WWOX: variants seen among roughly 807,000 people sequenced by gnomAD.
The protein encoded by WWOX is WW domain containing oxidoreductase.
In WWOX, 69 loss-of-function variants were observed where a neutral mutation model predicts 46.2. That is an observed-to-expected ratio of 1.49 (90% CI 1.23 to 1.82). The LOEUF is 1.82. WWOX is among the 40% of genes most tolerant of loss of function. The pLI is 0.00. For synonymous variants in WWOX, 359 were observed against 202.6 expected (o/e 1.77, Z -6.56); for missense variants, 919 against 542.6 (o/e 1.69, Z -6.89).
At chr16:79,137,287 C>G (rs1414643078) in intron 8 of WWOX, among the ~76,000 whole-genome samples, 1 of 152,170 alleles carries the variant, frequency 6.6e-6, no homozygotes, top group African/African-American at 2.4e-5. Flanking sequence ...ATGATGGTAT[C>G]ACATGGAGAA....
intron 8 of WWOX, among the ~76,000 whole-genome samples, chr16:79,007,755 G>A (rs1000706555): frequency 2.6e-5 from 4 of 152,190 alleles, no homozygotes; most frequent in African/African-American, 9.7e-5. Flanking sequence ...TGTGAATGGA[G>A]AGCTCTTTCT....
chr16:78,556,682 T>A (rs2044304732), intron 8 of WWOX, among the ~76,000 whole-genome samples: 4 of 152,140 alleles, frequency 2.6e-5, no homozygotes, highest in Admixed American at 2.0e-4. Context: ...TTTGTATTTG[T>A]TTTCCCTGAG....
chr16:78,306,624 C>G (rs1354868307), intron 5 of WWOX, among the ~76,000 whole-genome samples: 1 of 152,136 alleles, frequency 6.6e-6, no homozygotes, highest in Non-Finnish European at 1.5e-5. Flanking sequence ...CCCACAATTC[C>G]CAGTGAGCCC....
intron 5 of WWOX, among the ~76,000 whole-genome samples, chr16:78,370,784 T>A (rs977621879): frequency 8.0e-4 from 11 of 13,688 alleles, no homozygotes; most frequent in Admixed American, 2.3e-3. Context: ...TTTTCTTTTT[T>A]TTTTGGGGGG....
chr16:78,856,803 C>G (rs1392043994), intron 8 of WWOX, among the ~76,000 whole-genome samples: 2 of 152,138 alleles, frequency 1.3e-5, no homozygotes, highest in East Asian at 3.9e-4. Flanking sequence ...ATACAGTCAT[C>G]ATTGCTTAGA....
chr16:78,666,064 T>C lies in WWOX; in HGVS notation c.1056+233312T>C, dbSNP rs1387112895. Among the ~76,000 whole-genome samples the C allele has an allele frequency of 2.0e-5, 3 of 151,946 alleles. No homozygotes were observed. In the East Asian group the frequency reaches 5.9e-4, roughly 30 times the overall value. On this transcript the variant is annotated intron_variant, in intron 8 of 8. Coordinates refer to ENST00000566780, the MANE Select transcript of WWOX (RefSeq NM_016373.4). ...CTCTGGGAGGCTAAGGCTGGAGGAT[T>C]GCTTGAAGCCAGGAGTTTGAGAATA...
intron 8 of WWOX, among the ~76,000 whole-genome samples, chr16:78,753,842 A>C: frequency 9.3e-6 from 1 of 108,014 alleles, no homozygotes; most frequent in African/African-American, 3.7e-5. Context: ...ATATATATAT[A>C]TATATATATA....
chr16:78,123,443 T>TTGTTTTGTTTTG (rs1567584463), intron 4 of WWOX: 3 of 52,842 alleles, frequency 5.7e-5, no homozygotes, highest in African/African-American at 2.6e-4. Flanking sequence ...TTGTTTTGTT[T>TTGTTTTGTTTTG]TTTTTTTTTT....
intron 8 of WWOX, among the ~76,000 whole-genome samples, chr16:78,709,322 G>C (rs1237400270): frequency 6.6e-6 from 1 of 152,204 alleles, no homozygotes; most frequent in Non-Finnish European, 1.5e-5. Flanking sequence ...CTTACGTAGT[G>C]ATCACAGAGA....
intron 8 of WWOX, among the ~76,000 whole-genome samples, chr16:78,615,333 C>T (rs1237059789): frequency 2.6e-5 from 4 of 152,066 alleles, no homozygotes; most frequent in African/African-American, 9.7e-5. Flanking sequence ...CGACTCGGTA[C>T]CTGGTGTATA....
chr16:78,536,973 G>A (rs147169361), intron 8 of WWOX, among the ~76,000 whole-genome samples: 2 of 148,112 alleles, frequency 1.4e-5, no homozygotes, highest in East Asian at 4.0e-4. Context: ...CTGGATTGCA[G>A]TGGCACAATC....
chr16:78,159,476 C>T (rs1028292773), intron 4 of WWOX, among the ~76,000 whole-genome samples: 2 of 152,036 alleles, frequency 1.3e-5, no homozygotes, highest in African/African-American at 4.8e-5. Context: ...GTTTCCACAC[C>T]CTGAACCACA....
intron 8 of WWOX, among the ~76,000 whole-genome samples, chr16:78,980,320 G>A (rs756788670): frequency 6.6e-6 from 1 of 152,128 alleles, no homozygotes; most frequent in Non-Finnish European, 1.5e-5. Context: ...TTGCCTTCAG[G>A]ATTTCCATGT....
At chr16:78,253,588 T>A (rs2151830420) in intron 5 of WWOX, among the ~76,000 whole-genome samples, 1 of 152,312 alleles carries the variant, frequency 6.6e-6, no homozygotes, top group East Asian at 1.9e-4. Context: ...GACCCATGAA[T>A]GCCATGATTT....
chr16:79,042,725 A>AG (rs2047995110), intron 8 of WWOX, among the ~76,000 whole-genome samples: 2 of 71,022 alleles, frequency 2.8e-5, no homozygotes, highest in South Asian at 1.0e-3. Flanking sequence ...ATGAATACTC[A>AG]GGGTTTTTTT....
At chr16:78,725,288 A>G (rs996430426) in intron 8 of WWOX, among the ~76,000 whole-genome samples, 1 of 150,678 alleles carries the variant, frequency 6.6e-6, no homozygotes, top group Non-Finnish European at 1.5e-5. Context: ...TTTTCTTTAT[A>G]AATTACCCAG....
At chr16:78,628,458 G>C (rs1238594325) in intron 8 of WWOX, among the ~76,000 whole-genome samples, 1 of 152,108 alleles carries the variant, frequency 6.6e-6, no homozygotes, top group Admixed American at 6.6e-5. Context: ...AGCTCCCAAG[G>C]GGACCTGATA....
intron 5 of WWOX, among the ~76,000 whole-genome samples, chr16:78,315,506 TG>T (rs930355911): frequency 1.3e-5 from 2 of 152,122 alleles, no homozygotes; most frequent in African/African-American, 4.8e-5. Flanking sequence ...AAAAATTGGC[TG>T]GGCATGGTGG....
In WWOX at chr16:78,632,805, G is replaced by A. The variant is rs570546683; in HGVS notation, c.1056+200053G>A. On this transcript the variant is annotated intron_variant, in intron 8 of 8. Coordinates refer to ENST00000566780, the MANE Select transcript of WWOX (RefSeq NM_016373.4). ...ACTCCTGACCTCAGGTGATCCACCC[G>A]CCTCAGCCTCCCACAGTGCTGGGGT... Among the ~76,000 whole-genome samples the A allele has an allele frequency of 1.1e-4, 17 of 151,924 alleles. No individual in the cohort carries two copies. The East Asian group carries it at 1.2e-3, about 11-fold the overall frequency.
Sources: allele counts gnomAD v4.1 joint callset (sites outside exome capture counted in the v4.1 genomes callset), GRCh38; gene constraint gnomAD v4.1.1; transcripts MANE v1.5; gene names NCBI Gene and HGNC (gene_info 2026-07-23, HGNC 2026-07-21).